Variants in CARMIL1 observed in about 807,000 individuals in gnomAD.
The protein encoded by CARMIL1 is capping protein regulator and myosin 1 linker 1.
CARMIL1 carries 90 observed loss-of-function variants against 177.1 expected under a neutral mutation model. That is an observed-to-expected ratio of 0.51 (90% CI 0.43 to 0.61). The LOEUF is 0.61. Ranked by LOEUF, CARMIL1 falls within the 20% of genes least tolerant of loss-of-function variation. The pLI is 0.00. For missense variants in CARMIL1, 1,380 were observed against 1,667.0 expected (o/e 0.83, Z 3.00); for synonymous variants, 577 against 606.2 (o/e 0.95, Z 0.71).
chr6:25,606,075 C>G lies in CARMIL1; in HGVS notation c.3649C>G (p.Pro1217Ala). The change falls in exon 35 of 37, where the codon CCA (proline) becomes GCA (alanine). Residue 1217 changes from proline to alanine, a missense_variant. Transcript: ENST00000329474. The stretch of plus-strand genomic sequence containing the variant: ...TTTCATCTTAGTGCCTAAACTGCAC[C>G]CAGGTCTTCCAGAGAACCGCTTTGG... ...DGGGAVPKLHPGLPENRFGLG... is the reference protein window; with the variant it reads ...DGGGAVPKLHAGLPENRFGLG... The G allele has an allele frequency of 6.2e-7, 1 of 1,613,418 alleles. No homozygotes were observed. Among genetic ancestry groups the G allele is most frequent in the Non-Finnish European group, 8.5e-7 (1 of 1,179,636 alleles).
intron 33 of CARMIL1, among the ~76,000 whole-genome samples, chr6:25,601,767 C>G (rs1251642892): frequency 1.3e-5 from 2 of 152,174 alleles, no homozygotes; most frequent in Non-Finnish European, 2.9e-5. Flanking sequence ...TTCTTCAAAT[C>G]TCCTTTTAAA....
intron 2 of CARMIL1, among the ~76,000 whole-genome samples, chr6:25,406,690 T>G (rs1461434175): frequency 6.6e-6 from 1 of 152,216 alleles, no homozygotes; most frequent in Non-Finnish European, 1.5e-5. Context: ...CTTGGATTTC[T>G]GGCTTTGGAA....
intron 29 of CARMIL1, among the ~76,000 whole-genome samples, chr6:25,579,618 A>G (rs3804122): frequency 0.36 from 54,994 of 152,044 alleles, 10,056 homozygotes; most frequent in East Asian, 0.46. Context: ...AACCTGCAAA[A>G]CCTGTTACTT....
chr6:25,580,303 T>A (rs1813011194), intron 29 of CARMIL1, among the ~76,000 whole-genome samples: 1 of 152,204 alleles, frequency 6.6e-6, no homozygotes, highest in Non-Finnish European at 1.5e-5. Context: ...TTGACACCAA[T>A]GCTAGGAAAG....
chr6:25,499,160 C>T (rs531451584), intron 16 of CARMIL1, among the ~76,000 whole-genome samples: 2 of 152,316 alleles, frequency 1.3e-5, no homozygotes, highest in Admixed American at 6.5e-5. Flanking sequence ...ACCTTCCCAC[C>T]TCACCCTTAC....
intron 23 of CARMIL1, among the ~76,000 whole-genome samples, chr6:25,522,310 G>A (rs1806650455): frequency 6.6e-6 from 1 of 152,132 alleles, no homozygotes; most frequent in African/African-American, 2.4e-5. Flanking sequence ...GATAAATAAA[G>A]CTGGGTCTCC....
chr6:25,463,495 G>A (rs189851273), intron 8 of CARMIL1, among the ~76,000 whole-genome samples: 273 of 152,286 alleles, frequency 1.8e-3, no homozygotes, highest in African/African-American at 6.4e-3. Flanking sequence ...TATGACAAAA[G>A]CCAGTTATAC....
chr6:25,590,697 A>G (rs1355087812), intron 31 of CARMIL1, among the ~76,000 whole-genome samples: 1 of 152,136 alleles, frequency 6.6e-6, no homozygotes, highest in Non-Finnish European at 1.5e-5. Context: ...CCTAATTCTT[A>G]AGATCATTTT....
At chr6:25,500,802 T>C (rs1886251) in intron 17 of CARMIL1, among the ~76,000 whole-genome samples, 63,926 of 151,650 alleles carry the variant, frequency 0.42, 14,601 homozygotes, top group African/African-American at 0.59. Flanking sequence ...GAGTTTTGTT[T>C]TGTCGCCCAG....
intron 29 of CARMIL1, among the ~76,000 whole-genome samples, chr6:25,578,136 C>T (rs1812772555): frequency 6.6e-6 from 1 of 152,136 alleles, no homozygotes; most frequent in Non-Finnish European, 1.5e-5. Flanking sequence ...TTTTCAAACG[C>T]TGACCCCCCT....
intron 2 of CARMIL1, among the ~76,000 whole-genome samples, chr6:25,394,754 G>A (rs1199757501): frequency 6.6e-6 from 1 of 152,166 alleles, no homozygotes; most frequent in Non-Finnish European, 1.5e-5. Flanking sequence ...TTACCTAATT[G>A]TACTTAAAAG....
At chr6:25,465,071 C>CAAAAAAAAAAAAAA (rs558022196) in intron 8 of CARMIL1, among the ~76,000 whole-genome samples, 14 of 61,928 alleles carry the variant, frequency 2.3e-4, no homozygotes, top group Admixed American at 3.5e-4. Context: ...AGAACTAAAG[C>CAAAAAAAAAAAAAA]AAAAAAAAAA....
intron 2 of CARMIL1, chr6:25,389,303 A>G (rs1426710515): frequency 6.6e-6 from 1 of 151,964 alleles, no homozygotes; most frequent in Non-Finnish European, 1.5e-5. Flanking sequence ...ACTGTCTATT[A>G]TATGTTTTGC....
chr6:25,396,405 A>G (rs1262027548), intron 2 of CARMIL1, among the ~76,000 whole-genome samples: 1 of 142,736 alleles, frequency 7.0e-6, no homozygotes, highest in Admixed American at 7.4e-5. Flanking sequence ...CTTGTCACCC[A>G]GGCTGGAGTG....
In CARMIL1 at chr6:25,517,371, C is replaced by T. The variant is rs772677406; in HGVS notation, c.1830C>T (p.Asn610=). The T allele has an allele frequency of 5.6e-6, 9 of 1,613,174 alleles. No individual in the cohort carries two copies. Among genetic ancestry groups the T allele is most frequent in the East Asian group, 2.2e-5 (1 of 44,826 alleles). The part of the protein sequence containing the change: ...KLRTVIWDKN[N]ITAQGFQDIA... ...GGACTGTAATATGGGACAAGAACAA[C>T]ATCACTGCACAAGGCTTTCAGGATA... Residue 610 remains asparagine (N), a synonymous_variant, in exon 22 of 37, where the codon AAC becomes AAT. Coordinates refer to ENST00000329474, the MANE Select transcript of CARMIL1 (RefSeq NM_017640.6).
At chr6:25,456,737 A>T (rs1799565218) in intron 8 of CARMIL1, among the ~76,000 whole-genome samples, 2 of 152,192 alleles carry the variant, frequency 1.3e-5, no homozygotes. Flanking sequence ...CGTGTTCCTG[A>T]CAGATTTTTA....
At chr6:25,348,352 G>A (rs1787757597) in intron 2 of CARMIL1, among the ~76,000 whole-genome samples, 2 of 151,720 alleles carry the variant, frequency 1.3e-5, no homozygotes, top group African/African-American at 4.8e-5. Flanking sequence ...GGCTGGTCTC[G>A]AACTCCTGGC....
rs115378983 is a variant in CARMIL1, at chr6:25,368,658, C to T, written c.139-51456C>T. On this transcript the variant is annotated intron_variant, in intron 2 of 36. Coordinates refer to ENST00000329474, the MANE Select transcript of CARMIL1 (RefSeq NM_017640.6). ...GCAGTTCTGTGAATCACCCTAAAAT[C>T]TCTACTAAAATGGTTAAGTCCTGTA... Among the ~76,000 whole-genome samples, 472 of 152,314 alleles carry T rather than the reference C, an allele frequency of 3.1e-3. 2 individuals are homozygous for T. Among genetic ancestry groups the T allele is most frequent in the African/African-American group, 0.01 (416 of 41,552 alleles).
intron 2 of CARMIL1, among the ~76,000 whole-genome samples, chr6:25,293,302 G>GTGTGTGTTT (rs367596061): frequency 3.0e-4 from 44 of 144,608 alleles, no homozygotes; most frequent in East Asian, 1.1e-3. Context: ...GTGTGTGTGT[G>GTGTGTGTTT]TGTTTTGTAG....
Sources: allele counts gnomAD v4.1 joint callset (sites outside exome capture counted in the v4.1 genomes callset), GRCh38; gene constraint gnomAD v4.1.1; transcripts MANE v1.5; gene names NCBI Gene and HGNC (gene_info 2026-07-23, HGNC 2026-07-21).